MACROD2: variants seen among roughly 807,000 people sequenced by gnomAD.
MACROD2 encodes mono-ADP ribosylhydrolase 2, also known as ADP-ribose glycohydrolase MACROD2.
In MACROD2, 36 loss-of-function variants were observed where a neutral mutation model predicts 70.4. The ratio of observed to expected loss-of-function variants is 0.51; its 90% CI spans 0.39 to 0.68. MACROD2 has a LOEUF of 0.68. Among genes scored for constraint, MACROD2 ranks in the 30% least tolerant of loss-of-function variants. The pLI is 0.00. For missense variants in MACROD2, 496 were observed against 538.4 expected (o/e 0.92, Z 0.78); for synonymous variants, 172 against 178.8 (o/e 0.96, Z 0.30).
chr20:15,082,546 T>TTTC (rs202243912), intron 5 of MACROD2, among the ~76,000 whole-genome samples: 8 of 129,684 alleles, frequency 6.2e-5, no homozygotes, highest in South Asian at 2.7e-4. Context: ...TTTTTTTTTT[T>TTTC]CCTAAGCTGA....
chr20:15,653,667 G>A (rs2049680975), intron 8 of MACROD2, among the ~76,000 whole-genome samples: 1 of 152,114 alleles, frequency 6.6e-6, no homozygotes, highest in African/African-American at 2.4e-5. Context: ...CTGTTGGTCA[G>A]GTGTCTACAG....
At position 15,933,269 on chromosome 20, in the gene MACROD2, T is replaced by G. The variant is rs976166535; in HGVS notation, c.776-7T>G. ...GCATTTTTTTTCCTCTGTGGTTTTC[T>G]TGAAAGATGAGAACGGTCCAGAGGA... On this transcript the variant is annotated splice_region_variant and splice_polypyrimidine_tract_variant and intron_variant, in intron 10 of 17. Transcript: ENST00000684519. The G allele has an allele frequency of 6.2e-7, 1 of 1,612,834 alleles. No homozygotes were observed. Among genetic ancestry groups the G allele is most frequent in the Non-Finnish European group, 8.5e-7 (1 of 1,179,278 alleles).
intron 5 of MACROD2, among the ~76,000 whole-genome samples, chr20:14,850,952 AT>A (rs1223936452): frequency 6.0e-5 from 9 of 150,362 alleles, no homozygotes; most frequent in Admixed American, 6.6e-5. Context: ...GCAACTTCTA[AT>A]TTTTTTTTTA....
intron 3 of MACROD2, among the ~76,000 whole-genome samples, chr20:14,239,203 ACT>A (rs2081907370): frequency 6.6e-6 from 1 of 152,184 alleles, no homozygotes; most frequent in Non-Finnish European, 1.5e-5. Context: ...ATTACAAAAC[ACT>A]GCTGAAAGAA....
intron 4 of MACROD2, among the ~76,000 whole-genome samples, chr20:14,620,374 T>C (rs1020196805): frequency 1.3e-5 from 2 of 152,098 alleles, no homozygotes; most frequent in Non-Finnish European, 2.9e-5. Flanking sequence ...CAAGAAATAA[T>C]AGATTTGTGT....
intron 3 of MACROD2, among the ~76,000 whole-genome samples, chr20:14,254,561 GGA>G: frequency 6.6e-6 from 1 of 152,002 alleles, no homozygotes; most frequent in East Asian, 1.9e-4. Flanking sequence ...AGTAAAATAA[GGA>G]GAGTTACCTT....
At chr20:15,083,529 G>A (rs555017449) in intron 5 of MACROD2, among the ~76,000 whole-genome samples, 1 of 151,768 alleles carries the variant, frequency 6.6e-6, no homozygotes, top group African/African-American at 2.4e-5. Context: ...TTGTACTCTT[G>A]TCTTCTTTTT....
intron 4 of MACROD2, among the ~76,000 whole-genome samples, chr20:14,550,259 G>T (rs1888254707): frequency 1.3e-5 from 2 of 151,976 alleles, no homozygotes; most frequent in South Asian, 4.2e-4. Context: ...CAATCATTCA[G>T]CTCCACCTCT....
At chr20:15,490,495 A>C (rs2047218531) in intron 7 of MACROD2, among the ~76,000 whole-genome samples, 2 of 152,078 alleles carry the variant, frequency 1.3e-5, no homozygotes, top group South Asian at 4.2e-4. Context: ...TCCTTGGCTC[A>C]AGCAATCCTC....
chr20:14,509,602 G>T (rs2123143897), intron 4 of MACROD2, among the ~76,000 whole-genome samples: 1 of 151,912 alleles, frequency 6.6e-6, no homozygotes, highest in South Asian at 2.1e-4. Flanking sequence ...TTGATATTTG[G>T]CAAGTTATTT....
intron 2 of MACROD2, among the ~76,000 whole-genome samples, chr20:14,074,193 G>T (rs1487384608): frequency 2.0e-5 from 3 of 152,058 alleles, no homozygotes; most frequent in Non-Finnish European, 4.4e-5. Context: ...ACTTGTTCCT[G>T]CTGTATTTGA....
At chr20:15,005,994 A>G (rs1290145172) in intron 5 of MACROD2, among the ~76,000 whole-genome samples, 1 of 152,186 alleles carries the variant, frequency 6.6e-6, no homozygotes, top group African/African-American at 2.4e-5. Context: ...TACCTGACAT[A>G]TCGTCTCTAG....
At chr20:15,934,144 T>C (rs2065622095) in intron 11 of MACROD2, among the ~76,000 whole-genome samples, 1 of 152,216 alleles carries the variant, frequency 6.6e-6, no homozygotes, top group Non-Finnish European at 1.5e-5. Context: ...TTCCCAGTTA[T>C]TCTCCCAACT....
chr20:14,082,301 C>T (rs2054008607), intron 2 of MACROD2, among the ~76,000 whole-genome samples: 1 of 148,898 alleles, frequency 6.7e-6, no homozygotes, highest in Admixed American at 6.7e-5. Flanking sequence ...GCCTCAGCCT[C>T]CCAAGTAGCT....
intron 8 of MACROD2, among the ~76,000 whole-genome samples, chr20:15,855,970 T>C (rs2147154153): frequency 6.6e-6 from 1 of 152,338 alleles, no homozygotes; most frequent in East Asian, 1.9e-4. Flanking sequence ...ATATTGCAAA[T>C]AGTGCTGCTA....
At chr20:15,700,056 G>T (rs2050434837) in intron 8 of MACROD2, among the ~76,000 whole-genome samples, 1 of 152,184 alleles carries the variant, frequency 6.6e-6, no homozygotes, top group Non-Finnish European at 1.5e-5. Context: ...GTTTGGGAGA[G>T]GAGGGTCTCC....
At chr20:14,800,062 C>T (rs1192493791) in intron 5 of MACROD2, among the ~76,000 whole-genome samples, 2 of 127,878 alleles carry the variant, frequency 1.6e-5, no homozygotes, top group Non-Finnish European at 3.3e-5. Context: ...TCCATCACGA[C>T]CACCTTTGCT....
intron 7 of MACROD2, among the ~76,000 whole-genome samples, chr20:15,480,072 G>C (rs2047075770): frequency 6.6e-6 from 1 of 152,146 alleles, no homozygotes; most frequent in Admixed American, 6.5e-5. Context: ...AGCCACAGTA[G>C]ATCCAGAATT....
At chr20:15,127,836 G>C (rs953334886) in intron 5 of MACROD2, among the ~76,000 whole-genome samples, 1 of 152,068 alleles carries the variant, frequency 6.6e-6, no homozygotes, top group African/African-American at 2.4e-5. Context: ...AAACTACATA[G>C]AGGTGTGAAT....
Sources: gnomAD v4.1 joint callset for allele counts (sites outside exome capture counted in the v4.1 genomes callset) on GRCh38, gnomAD v4.1.1 for gene constraint, MANE v1.5 for transcripts, NCBI Gene and HGNC (gene_info 2026-07-23, HGNC 2026-07-21) for gene names.